The following ALK variants were observed in gnomAD, a reference collection of about 807,000 sequenced individuals.
ALK encodes ALK receptor tyrosine kinase.
In ALK, 74 loss-of-function variants were observed where a neutral mutation model predicts 163.1. The ratio of observed to expected loss-of-function variants is 0.45; its 90% CI spans 0.38 to 0.55. The LOEUF (loss-of-function observed/expected upper bound fraction) is 0.55, where lower values mean the gene tolerates loss of function less well. ALK is among the 20% of genes least tolerant of loss of function. The pLI is 0.00. For missense variants in ALK, 2,063 were observed against 2,105.3 expected (o/e 0.98, Z 0.39); for synonymous variants, 960 against 843.2 (o/e 1.14, Z -2.40).
intron 3 of ALK, among the ~76,000 whole-genome samples, chr2:29,688,694 G>GTGTGTC (rs1022032429): frequency 6.6e-6 from 1 of 152,184 alleles, no homozygotes; most frequent in African/African-American, 2.4e-5. Context: ...GCCCATGAGT[G>GTGTGTC]TGTGTCTGTG....
chr2:29,678,821 G>T (rs1677972813), intron 3 of ALK, among the ~76,000 whole-genome samples: 1 of 151,570 alleles, frequency 6.6e-6, no homozygotes, highest in Non-Finnish European at 1.5e-5. Context: ...CTATATTGAA[G>T]AATGTTCTCT....
At chr2:29,887,488 C>A (rs1667014323) in intron 1 of ALK, among the ~76,000 whole-genome samples, 1 of 152,174 alleles carries the variant, frequency 6.6e-6, no homozygotes, top group Admixed American at 6.5e-5. Context: ...CTGCCACACA[C>A]TATTAGTCAA....
chr2:29,812,524 G>T (rs1664783254), intron 1 of ALK, among the ~76,000 whole-genome samples: 2 of 152,060 alleles, frequency 1.3e-5, no homozygotes, highest in Middle Eastern at 3.2e-3. Context: ...CTCACCCTAA[G>T]AATTTACATT....
intron 4 of ALK, among the ~76,000 whole-genome samples, chr2:29,440,264 A>C (rs1025596519): frequency 1.3e-5 from 2 of 149,954 alleles, no homozygotes; most frequent in Non-Finnish European, 3.0e-5. Context: ...CCACTAATAC[A>C]CATCTTTTCA....
intron 4 of ALK, among the ~76,000 whole-genome samples, chr2:29,473,904 AAAAC>A (rs548449406): frequency 3.0e-4 from 45 of 152,200 alleles, no homozygotes; most frequent in South Asian, 8.3e-4. Flanking sequence ...AGAATGGCTA[AAAAC>A]AAACAAACGA....
At chr2:29,221,150 C>T (rs559777436) in intron 22 of ALK, 16 of 559,524 alleles carry the variant, frequency 2.9e-5, no homozygotes, top group East Asian at 2.0e-4. Context: ...GATACTGGTG[C>T]GTGGACTGGG....
At position 29,296,765 on chromosome 2, in the gene ALK, C is replaced by T. The variant is rs78817793; in HGVS notation, c.1817+123G>A. ...TGCACGTGCGTGCACGCGCACATAT[C>T]GGTGTGTGGGCACATCTGCATGTGT... On this transcript the variant is annotated intron_variant, in intron 9 of 28. Coordinates refer to ENST00000389048, the MANE Select transcript of ALK (RefSeq NM_004304.5). The T allele has an allele frequency of 0.062, 70,825 of 1,140,206 alleles. 2,755 individuals are homozygous for T. The highest frequency in any genetic ancestry group is 0.075 in the Non-Finnish European group (57,278 of 767,006). The allele number at this position is 1,140,206 out of a possible 1,614,324, so 70.6% of individuals were successfully genotyped here.
intron 1 of ALK, among the ~76,000 whole-genome samples, chr2:29,791,276 T>G (rs971821906): frequency 1.3e-5 from 2 of 152,144 alleles, no homozygotes; most frequent in Admixed American, 1.3e-4. Flanking sequence ...GTGGCACATA[T>G]ACACCATGGA....
intron 1 of ALK, among the ~76,000 whole-genome samples, chr2:29,843,893 C>T (rs1295366671): frequency 6.6e-6 from 1 of 152,166 alleles, no homozygotes; most frequent in Non-Finnish European, 1.5e-5. Flanking sequence ...CACCAAAGAT[C>T]CAGCACCTGC....
intron 5 of ALK, among the ~76,000 whole-genome samples, chr2:29,331,147 T>G (rs1216395601): frequency 6.6e-6 from 1 of 152,178 alleles, no homozygotes. Flanking sequence ...TGTGGTCCCC[T>G]GGACTATTCA....
intron 1 of ALK, among the ~76,000 whole-genome samples, chr2:29,778,796 T>C (rs1681250638): frequency 6.6e-6 from 1 of 152,138 alleles, no homozygotes; most frequent in Non-Finnish European, 1.5e-5. Context: ...TATTACAATG[T>C]CTGTGCCTGC....
chr2:29,887,355 T>C (rs554361218), intron 1 of ALK, among the ~76,000 whole-genome samples: 1 of 152,276 alleles, frequency 6.6e-6, no homozygotes, highest in East Asian at 1.9e-4. Flanking sequence ...TTCATGGGTA[T>C]CTCAGAGCAC....
At chr2:29,592,446 C>T (rs536912336) in intron 3 of ALK, among the ~76,000 whole-genome samples, 4 of 152,254 alleles carry the variant, frequency 2.6e-5, no homozygotes, top group Admixed American at 1.3e-4. Context: ...GTATCCCTCT[C>T]GCCTGAGCTC....
rs1667997286 is a variant in ALK at position 29,921,264 on chromosome 2, GTC to G, written c.-607_-606del. On this transcript the variant is annotated 5_prime_UTR_variant, in exon 1 of 29. Coordinates refer to ENST00000389048, the MANE Select transcript of ALK (RefSeq NM_004304.5). ...CTCCGCTGCGGGAAGGCTTCGGACT[GTC>G]TGCCTGCTGAACTTCTGGGCGTGAA... is the stretch of plus-strand genomic sequence containing the variant. 1 of 233,466 alleles carries G rather than the reference GTC, an allele frequency of 4.3e-6. No homozygotes were observed. Among genetic ancestry groups the G allele is most frequent in the Non-Finnish European group, 8.5e-6 (1 of 118,320 alleles). The allele number at this position is 233,466 out of a possible 1,614,324, so 14.5% of individuals were successfully genotyped here. A position where few individuals can be genotyped will look rare whatever the true frequency, so the allele number is the denominator to read the frequency against.
At chr2:29,840,083 T>C (rs1174575462) in intron 1 of ALK, among the ~76,000 whole-genome samples, 1 of 152,230 alleles carries the variant, frequency 6.6e-6, no homozygotes, top group Non-Finnish European at 1.5e-5. Flanking sequence ...ATAGCTTTTA[T>C]TCTTAACTGC....
intron 9 of ALK, among the ~76,000 whole-genome samples, chr2:29,288,962 AT>A (rs11301947): frequency 0.68 from 80,429 of 118,664 alleles, 32,691 homozygotes; most frequent in Non-Finnish European, 0.82. Flanking sequence ...AAAAAAATAA[AT>A]AAATAAATAA....
chr2:29,672,404 C>T (rs1573543951), intron 3 of ALK, among the ~76,000 whole-genome samples: 1 of 150,212 alleles, frequency 6.7e-6, no homozygotes, highest in Non-Finnish European at 1.5e-5. Context: ...TCAATTCCCA[C>T]CTATGAGTGA....
At chr2:29,772,848 A>T (rs1055731142) in intron 1 of ALK, among the ~76,000 whole-genome samples, 1 of 152,202 alleles carries the variant, frequency 6.6e-6, no homozygotes, top group Non-Finnish European at 1.5e-5. Flanking sequence ...GGTCTTGATA[A>T]TATTTTCCTA....
intron 1 of ALK, among the ~76,000 whole-genome samples, chr2:29,895,575 A>G (rs556908010): frequency 6.6e-6 from 1 of 152,304 alleles, no homozygotes; most frequent in African/African-American, 2.4e-5. Flanking sequence ...AACCCACAGA[A>G]AGGAAACAAT....
Sources: allele counts gnomAD v4.1 joint callset (sites outside exome capture counted in the v4.1 genomes callset), GRCh38; gene constraint gnomAD v4.1.1; transcripts MANE v1.5; gene names NCBI Gene and HGNC (gene_info 2026-07-23, HGNC 2026-07-21).